Variants in VTA1 observed in about 807,000 individuals in gnomAD.
The protein encoded by VTA1 is vesicle trafficking 1, also known as vacuolar protein sorting-associated protein VTA1 homolog.
VTA1 carries 24 observed loss-of-function variants against 36.9 expected under a neutral mutation model. The ratio of observed to expected loss-of-function variants is 0.65; its 90% confidence interval spans 0.47 to 0.91. The LOEUF is 0.91. Among genes scored for constraint, VTA1 ranks in the 40% least tolerant of loss-of-function variants. The pLI is 0.00. For synonymous variants in VTA1, 142 were observed against 130.2 expected, an observed-to-expected ratio of 1.09 and a Z score of -0.62; for missense variants, 393 against 377.2, an observed-to-expected ratio of 1.04 and a Z score of -0.35.
intron 4 of VTA1, among the ~76,000 whole-genome samples, chr6:142,188,116 C>T (rs1258613260): frequency 6.0e-5 from 9 of 151,112 alleles, no homozygotes; most frequent in African/African-American, 1.5e-4. Context: ...ACCATATTGG[C>T]CAGGCTGGTC....
Position 142,220,250 on chromosome 6 carries a change from G to A in VTA1, c.*1607G>A, listed in dbSNP as rs745527562. On this transcript the variant is annotated 3_prime_UTR_variant, in exon 8 of 8. Coordinates refer to ENST00000367630, the MANE Select transcript of VTA1 (RefSeq NM_016485.5). The stretch of plus-strand genomic sequence containing the variant: ...CCAATGCTCTTTAGAATGTTATTAC[G>A]AATAGAAAGATGGCCAGGATGACCT... 6 of 152,292 alleles carry A rather than the reference G, an allele frequency of 3.9e-5. No individual in the cohort carries two copies. Among genetic ancestry groups the A allele is most frequent in the African/African-American group, 1.4e-4 (6 of 41,564 alleles). 9.4% of individuals were successfully genotyped at this position (152,292 alleles called of 1,614,324 possible). A position where few individuals can be genotyped will look rare whatever the true frequency, so the allele number is the denominator to read the frequency against.
chr6:142,210,768 A>C (rs1379181785), intron 7 of VTA1, among the ~76,000 whole-genome samples: 1 of 152,198 alleles, frequency 6.6e-6, no homozygotes, highest in Non-Finnish European at 1.5e-5. Context: ...TTTCTCAAAT[A>C]ACTAAAAATA....
intron 4 of VTA1, among the ~76,000 whole-genome samples, chr6:142,173,365 A>G (rs1017720433): frequency 7.2e-5 from 11 of 152,222 alleles, no homozygotes. Context: ...TGATAAGGCA[A>G]AGTAACAGAT....
At chr6:142,150,577 A>G (rs988767231) in intron 1 of VTA1, among the ~76,000 whole-genome samples, 2 of 152,202 alleles carry the variant, frequency 1.3e-5, no homozygotes, top group African/African-American at 4.8e-5. Flanking sequence ...TGTCCAGACA[A>G]AAGAGACAAT....
chr6:142,188,649 C>A (rs773393874), intron 4 of VTA1, among the ~76,000 whole-genome samples: 1 of 152,160 alleles, frequency 6.6e-6, no homozygotes, highest in Non-Finnish European at 1.5e-5. Context: ...TTCTGCATTT[C>A]TAACAAGTTC....
intron 7 of VTA1, among the ~76,000 whole-genome samples, chr6:142,204,491 AC>A (rs1390135857): frequency 6.6e-6 from 1 of 152,178 alleles, no homozygotes; most frequent in Non-Finnish European, 1.5e-5. Flanking sequence ...CTCTGAGGTT[AC>A]TTTGGTTGGT....
At chr6:142,195,044 TTG>T (rs1050561896) in intron 5 of VTA1, among the ~76,000 whole-genome samples, 2 of 152,110 alleles carry the variant, frequency 1.3e-5, no homozygotes, top group African/African-American at 2.4e-5. Context: ...TACTAAGAAT[TTG>T]TGTGTCTACA....
At chr6:142,195,208 A>G (rs1775521328) in intron 5 of VTA1, among the ~76,000 whole-genome samples, 1 of 152,056 alleles carries the variant, frequency 6.6e-6, no homozygotes, top group Non-Finnish European at 1.5e-5. Flanking sequence ...TATTCCATCT[A>G]GGCTCTGCAT....
intron 6 of VTA1, among the ~76,000 whole-genome samples, chr6:142,201,782 A>G (rs888724941): frequency 5.9e-5 from 9 of 151,910 alleles, no homozygotes; most frequent in African/African-American, 2.2e-4. Flanking sequence ...GTTTCTCATG[A>G]TTACACTAAG....
At position 142,166,234 on chromosome 6, in the gene VTA1, T is replaced by C; in HGVS notation, c.119T>C (p.Leu40Ser). The stretch of plus-strand genomic sequence containing the variant: ...ATCTTACTTTTCTTTCTAGGTCGTT[T>C]ATACGCAATGCAGACTGGAATGAAG... ...RDPVVAYYCRLYAMQTGMKID... is the reference protein window; with the variant it reads ...RDPVVAYYCRSYAMQTGMKID... Residue 40 changes from leucine (L) to serine (S), a missense_variant, in exon 2 of 8, where the codon TTA becomes TCA. By Grantham distance (145) the Leu-to-Ser change is moderately radical. Coordinates refer to ENST00000367630, the MANE Select transcript of VTA1 (RefSeq NM_016485.5). 1.2e-6 allele frequency: 2 copies of C among 1,603,874 alleles called. No homozygotes were observed. Among genetic ancestry groups the C allele is most frequent in the South Asian group, 1.1e-5 (1 of 88,606 alleles).
chr6:142,162,212 G>A (rs980533679), intron 1 of VTA1, among the ~76,000 whole-genome samples: 2 of 152,150 alleles, frequency 1.3e-5, no homozygotes, highest in African/African-American at 2.4e-5. Flanking sequence ...CTGCATGTTT[G>A]CTTAATGGTT....
At chr6:142,162,204 G>T (rs759677263) in intron 1 of VTA1, among the ~76,000 whole-genome samples, 3 of 152,144 alleles carry the variant, frequency 2.0e-5, no homozygotes, top group African/African-American at 7.2e-5. Context: ...TTAATTATCT[G>T]CATGTTTGCT....
intron 4 of VTA1, among the ~76,000 whole-genome samples, chr6:142,181,092 A>ATAT (rs1201647610): frequency 2.7e-3 from 111 of 41,864 alleles, no homozygotes; most frequent in African/African-American, 6.2e-3. Flanking sequence ...AAAAAAAAAA[A>ATAT]AAATATATAT....
chr6:142,163,030 A>T (rs933079318), intron 1 of VTA1, among the ~76,000 whole-genome samples: 1 of 152,218 alleles, frequency 6.6e-6, no homozygotes. Flanking sequence ...AATTGAGAAC[A>T]TGGGCTGTGT....
intron 7 of VTA1, among the ~76,000 whole-genome samples, chr6:142,215,864 T>G (rs1203818178): frequency 6.6e-6 from 1 of 152,204 alleles, no homozygotes; most frequent in Non-Finnish European, 1.5e-5. Context: ...GATCCAGTGC[T>G]GACCCAGGCT....
chr6:142,161,590 A>G (rs1774810301), intron 1 of VTA1, among the ~76,000 whole-genome samples: 1 of 152,182 alleles, frequency 6.6e-6, no homozygotes, highest in Non-Finnish European at 1.5e-5. Context: ...ATCAAATAAT[A>G]TTTATTCATA....
chr6:142,158,248 A>G (rs1041219814), intron 1 of VTA1, among the ~76,000 whole-genome samples: 1 of 152,192 alleles, frequency 6.6e-6, no homozygotes, highest in Non-Finnish European at 1.5e-5. Flanking sequence ...TTGTGGTTAT[A>G]TATAATTTTA....
chr6:142,152,497 C>T (rs541867454), intron 1 of VTA1, among the ~76,000 whole-genome samples: 25 of 151,908 alleles, frequency 1.6e-4, no homozygotes, highest in African/African-American at 5.3e-4. Context: ...TAAAAAATAA[C>T]AACAGAACCC....
chr6:142,147,643 G>T (rs1438421072), intron 1 of VTA1, among the ~76,000 whole-genome samples: 1 of 152,204 alleles, frequency 6.6e-6, no homozygotes, highest in Non-Finnish European at 1.5e-5. Flanking sequence ...ACAGGCTCTT[G>T]AACTGTGGAA....
Sources: allele counts gnomAD v4.1 joint callset (sites outside exome capture counted in the v4.1 genomes callset), GRCh38; gene constraint gnomAD v4.1.1; transcripts MANE v1.5; gene names NCBI Gene and HGNC (gene_info 2026-07-23, HGNC 2026-07-21).